The following WDR37 variants were observed in gnomAD, a reference collection of about 807,000 sequenced individuals.
WDR37 encodes WD repeat-containing protein 37.
WDR37 carries 19 observed loss-of-function variants against 62.9 expected under a neutral mutation model. The ratio of observed to expected loss-of-function variants is 0.30; its 90% confidence interval spans 0.21 to 0.44. The LOEUF (loss-of-function observed/expected upper bound fraction) is 0.44. WDR37 is among the 20% of genes least tolerant of loss of function. The pLI, the probability that WDR37 is intolerant of heterozygous loss-of-function variation, is 1.00. For synonymous variants in WDR37, 250 were observed against 260.9 expected, an observed-to-expected ratio of 0.96 and a Z score of 0.40; for missense variants, 474 against 657.6, an observed-to-expected ratio of 0.72 and a Z score of 3.05.
Position 1,124,656 on chromosome 10 carries a change from CA to C in WDR37, c.1239-253del, listed in dbSNP as rs1339311152. On this transcript the variant is annotated intron_variant, in intron 12 of 13. Transcript: ENST00000263150. Reference sequence around the variant, plus strand: ...GGGTGGGTCTGGTTCTACCATTGAGCAGTGTGTGTGTGTGTGTGTGTGTGTG... The same window carrying C: ...GGGTGGGTCTGGTTCTACCATTGAGCGTGTGTGTGTGTGTGTGTGTGTGTG... Among the ~76,000 whole-genome samples, 12 of 58,424 alleles carry C rather than the reference CA, an allele frequency of 2.1e-4. No individual in the cohort carries two copies. In the East Asian group the frequency reaches 3.5e-3, roughly 17 times the overall value. The allele number at this position is 58,424 out of a possible 152,430, so 38.3% of individuals were successfully genotyped here. A position where few individuals can be genotyped will look rare whatever the true frequency, so the allele number is the denominator to read the frequency against.
At chr10:1,106,307 C>T (rs937842309) in intron 11 of WDR37, among the ~76,000 whole-genome samples, 12 of 152,154 alleles carry the variant, frequency 7.9e-5, no homozygotes, top group Admixed American at 5.9e-4. Context: ...GGGATCTTCC[C>T]GGCCGCTCCT....
intron 7 of WDR37, among the ~76,000 whole-genome samples, chr10:1,092,908 T>C (rs1255693714): frequency 8.7e-6 from 1 of 115,452 alleles, no homozygotes; most frequent in African/African-American, 3.3e-5. Context: ...AGAAGACCTC[T>C]GCCAAATACC....
At chr10:1,096,317 A>G (rs1053653237) in intron 9 of WDR37, 71 bp downstream of exon 9, 2 of 1,521,208 alleles carry the variant, frequency 1.3e-6, no homozygotes, top group Admixed American at 1.7e-5. Context: ...CATTTATGAT[A>G]TCTGTCATGG....
chr10:1,100,560 A>G (rs1322751895), intron 9 of WDR37, among the ~76,000 whole-genome samples: 3 of 152,212 alleles, frequency 2.0e-5, no homozygotes, highest in Non-Finnish European at 4.4e-5. Flanking sequence ...TTTTGGGCAA[A>G]CGTCTTGTGT....
chr10:1,085,092 G>A (rs1394583441), intron 6 of WDR37, among the ~76,000 whole-genome samples: 1 of 151,910 alleles, frequency 6.6e-6, no homozygotes, highest in Non-Finnish European at 1.5e-5. Flanking sequence ...AGCCTTCCCA[G>A]TAGCTGGGAC....
chr10:1,088,297 T>C (rs1271032206), intron 7 of WDR37, among the ~76,000 whole-genome samples: 2 of 152,372 alleles, frequency 1.3e-5, no homozygotes, highest in African/African-American at 4.8e-5. Context: ...GTTGGCTGTT[T>C]GGTGCAAGAT....
chr10:1,122,086 C>T (rs1037804261), intron 11 of WDR37, among the ~76,000 whole-genome samples: 10 of 151,952 alleles, frequency 6.6e-5, no homozygotes, highest in African/African-American at 1.9e-4. Context: ...CATCCAGGGC[C>T]GCATAGAGCA....
intron 13 of WDR37, among the ~76,000 whole-genome samples, 165 bp from the exon 14 acceptor site, chr10:1,129,048 T>C (rs1401877638): frequency 1.3e-5 from 2 of 152,052 alleles, no homozygotes; most frequent in East Asian, 3.8e-4. Flanking sequence ...CTGTGGTCCA[T>C]GCTTGGTGGT....
At chr10:1,091,217 G>A (rs866117464) in intron 7 of WDR37, among the ~76,000 whole-genome samples, 13 of 152,258 alleles carry the variant, frequency 8.5e-5, no homozygotes, top group Admixed American at 2.6e-4. Context: ...GCCCAGCTTC[G>A]TTTGTGATTA....
In WDR37 at chr10:1,080,017, G is replaced by C. The variant is rs1833982960; in HGVS notation, c.242G>C (p.Arg81Thr). The C allele has an allele frequency of 6.2e-7, 1 of 1,613,808 alleles. No homozygotes were observed. Residue 81 changes from arginine to threonine, a missense_variant, in exon 4 of 14, where the codon AGA becomes ACA. Transcript: ENST00000263150. Reference sequence around the variant, plus strand: ...AAAACTTTTTTCTTCCCAGTACGTAGAGAAATCGACACTCTTAATGAACGT... The same window carrying C: ...AAAACTTTTTTCTTCCCAGTACGTACAGAAATCGACACTCTTAATGAACGT... ...NLYIENLELR[R>T]EIDTLNERLA...
At chr10:1,126,573 G>A (rs905833058) in intron 13 of WDR37, among the ~76,000 whole-genome samples, 12 of 152,164 alleles carry the variant, frequency 7.9e-5, no homozygotes, top group African/African-American at 1.7e-4. Flanking sequence ...GGCCTCCTGT[G>A]GCTGCACAGG....
chr10:1,104,494 G>A (rs1834939601), intron 10 of WDR37, among the ~76,000 whole-genome samples: 1 of 152,240 alleles, frequency 6.6e-6, no homozygotes, highest in Non-Finnish European at 1.5e-5. Flanking sequence ...TTAAGGGCTA[G>A]GCCAGACCAC....
chr10:1,066,066 A>G (rs1370816231), intron 1 of WDR37, among the ~76,000 whole-genome samples: 2 of 152,174 alleles, frequency 1.3e-5, no homozygotes, highest in Non-Finnish European at 2.9e-5. Context: ...ATTTAAACTT[A>G]CACAAAAAAT....
At chr10:1,096,501 C>T (rs1834581786) in intron 9 of WDR37, 7 of 518,958 alleles carry the variant, frequency 1.3e-5, no homozygotes, top group Middle Eastern at 5.0e-4. Context: ...TGTCACTCTC[C>T]GTGTCACGTA....
rs984588809 is a variant in WDR37 at position 1,079,239 on chromosome 10, C to G, written c.236-772C>G. ...AGCTGGGATCACAGGCACCCACCAC[C>G]ATGCCTGGCTAATTTTTGTATTTTT... On this transcript the variant is annotated intron_variant, in intron 3 of 13. Transcript: ENST00000263150. 3.3e-5 allele frequency among the ~76,000 whole-genome samples: 5 copies of G among 151,096 alleles called. No individual in the cohort carries two copies. The East Asian group carries it at 9.7e-4, about 29-fold the overall frequency.
intron 1 of WDR37, among the ~76,000 whole-genome samples, chr10:1,068,253 G>A (rs1461886694): frequency 6.6e-6 from 1 of 151,856 alleles, no homozygotes; most frequent in South Asian, 2.1e-4. Flanking sequence ...AGGCTGAGGC[G>A]GGTGGATCAT....
chr10:1,118,975 A>G (rs1835489448), intron 11 of WDR37, among the ~76,000 whole-genome samples: 1 of 152,226 alleles, frequency 6.6e-6, no homozygotes, highest in Admixed American at 6.5e-5. Context: ...GCTCCTGAAC[A>G]TTCTAAAACT....
chr10:1,109,286 A>AT (rs1336045841), intron 11 of WDR37, among the ~76,000 whole-genome samples: 1 of 152,170 alleles, frequency 6.6e-6, no homozygotes, highest in African/African-American at 2.4e-5. Flanking sequence ...GGAAGATTTT[A>AT]TTTTTGTTTT....
intron 2 of WDR37, among the ~76,000 whole-genome samples, chr10:1,077,086 G>A (rs1358895451): frequency 6.6e-6 from 1 of 152,168 alleles, no homozygotes; most frequent in Non-Finnish European, 1.5e-5. Flanking sequence ...TGGGTGTTGG[G>A]AGTAGGGGAC....
Sources: allele counts gnomAD v4.1 joint callset (sites outside exome capture counted in the v4.1 genomes callset), GRCh38; gene constraint gnomAD v4.1.1; transcripts MANE v1.5; gene names NCBI Gene and HGNC (gene_info 2026-07-23, HGNC 2026-07-21).